Variants in THEMIS observed in about 807,000 individuals in gnomAD.
THEMIS encodes thymocyte selection associated, also known as protein THEMIS.
A neutral mutation model predicts 52.6 loss-of-function variants in THEMIS; 37 were observed. That is an observed-to-expected ratio of 0.70 (90% CI 0.54 to 0.93). The LOEUF is 0.93. THEMIS is among the 40% of genes least tolerant of loss of function. The probability of loss-of-function intolerance (pLI) is 0.00; values close to 1 mark genes in which losing one functional copy is unlikely to be tolerated. For missense variants in THEMIS, 808 were observed against 763.1 expected, an observed-to-expected ratio of 1.06 and a Z score of -0.69; for synonymous variants, 292 against 272.7, an observed-to-expected ratio of 1.07 and a Z score of -0.70.
chr6:127,812,768 T>C lies in THEMIS; in HGVS notation c.1758+115A>G, dbSNP rs1032753214. On this transcript the variant is annotated intron_variant, in intron 4 of 5. Coordinates refer to ENST00000368248, the MANE Select transcript of THEMIS (RefSeq NM_001010923.3). Reference sequence around the variant, plus strand: ...ATCTACTGCACATCAGAAAAGCTCATTGCAAATATGGCATGAAAGAAAGAA... The same window carrying C: ...ATCTACTGCACATCAGAAAAGCTCACTGCAAATATGGCATGAAAGAAAGAA... 4 of 1,069,432 alleles carry C rather than the reference T, an allele frequency of 3.7e-6. No individual in the cohort carries two copies. In the African/African-American group the frequency reaches 4.8e-5, roughly 13 times the overall value. The allele number at this position is 1,069,432 out of a possible 1,614,324, so 66.2% of individuals were successfully genotyped here.
At chr6:127,740,630 G>A (rs548373463) in intron 4 of THEMIS, among the ~76,000 whole-genome samples, 9 of 152,020 alleles carry the variant, frequency 5.9e-5, no homozygotes, top group East Asian at 1.9e-4. Flanking sequence ...CGTAAATAAC[G>A]GCCATTTTTT....
intron 4 of THEMIS, among the ~76,000 whole-genome samples, chr6:127,808,913 AC>A (rs1430729974): frequency 6.6e-6 from 1 of 152,206 alleles, no homozygotes; most frequent in Admixed American, 6.5e-5. Context: ...AGTGTTCATA[AC>A]CAACCGCAGA....
intron 1 of THEMIS, among the ~76,000 whole-genome samples, chr6:127,890,950 C>T (rs1369716137): frequency 6.6e-6 from 1 of 151,908 alleles, no homozygotes; most frequent in Non-Finnish European, 1.5e-5. Flanking sequence ...CAAATAAAGT[C>T]CTGATCAATT....
intron 4 of THEMIS, among the ~76,000 whole-genome samples, chr6:127,740,658 A>G (rs1775172027): frequency 6.6e-6 from 1 of 152,172 alleles, no homozygotes; most frequent in African/African-American, 2.4e-5. Flanking sequence ...CTATCCGAAA[A>G]TAAAGCTAGT....
intron 4 of THEMIS, among the ~76,000 whole-genome samples, chr6:127,738,954 C>T (rs966977219): frequency 2.0e-5 from 3 of 152,110 alleles, no homozygotes; most frequent in African/African-American, 7.2e-5. Context: ...ACAGGGTGGC[C>T]TAATTAAAAA....
intron 4 of THEMIS, among the ~76,000 whole-genome samples, chr6:127,751,395 C>A (rs1775638993): frequency 6.6e-6 from 1 of 151,510 alleles, no homozygotes; most frequent in South Asian, 2.1e-4. Context: ...AAGCATCTTA[C>A]TATAAAAATA....
chr6:127,893,697 C>T (rs191677341), intron 1 of THEMIS, among the ~76,000 whole-genome samples: 2 of 152,076 alleles, frequency 1.3e-5, no homozygotes, highest in South Asian at 2.1e-4. Context: ...ACTACAGAAC[C>T]TCACATGATT....
intron 2 of THEMIS, among the ~76,000 whole-genome samples, chr6:127,849,307 C>T (rs1190966434): frequency 6.6e-6 from 1 of 151,976 alleles, no homozygotes; most frequent in Non-Finnish European, 1.5e-5. Context: ...GTACCAGTCC[C>T]ATGCTGTTTT....
intron 4 of THEMIS, among the ~76,000 whole-genome samples, chr6:127,753,735 C>A (rs562585089): frequency 2.6e-5 from 4 of 151,958 alleles, no homozygotes; most frequent in Admixed American, 2.0e-4. Flanking sequence ...ATGTTGATTG[C>A]CAGGGGCTGA....
intron 1 of THEMIS, among the ~76,000 whole-genome samples, chr6:127,889,715 A>C (rs1223254139): frequency 6.7e-6 from 1 of 150,040 alleles, no homozygotes; most frequent in East Asian, 1.9e-4. Flanking sequence ...TAGTCATATG[A>C]CATGTATGGT....
intron 4 of THEMIS, 60 bp downstream of exon 4, chr6:127,812,818 AGACTT>A: frequency 6.8e-7 from 1 of 1,470,102 alleles, no homozygotes; most frequent in Non-Finnish European, 9.2e-7. Flanking sequence ...CACTCAGAAA[AGACTT>A]GAAACAAATT....
chr6:127,712,147 C>T (rs1401681578), intron 5 of THEMIS, among the ~76,000 whole-genome samples: 1 of 151,906 alleles, frequency 6.6e-6, no homozygotes, highest in African/African-American at 2.4e-5. Flanking sequence ...GTCCAACTCT[C>T]CCTTGTCAAT....
chr6:127,702,198 G>T, the THEMIS span, among the ~76,000 whole-genome samples: 1 of 151,740 alleles, frequency 6.6e-6, no homozygotes, highest in Non-Finnish European at 1.5e-5. Flanking sequence ...TTTTTCCCTT[G>T]TCACCCCATC....
rs71028110 is a variant in THEMIS at position 127,862,428 on chromosome 6, A to ATTTTTTTTTTTTTTTTTTTTTTTT, written c.92-7241_92-7240insAAAAAAAAAAAAAAAAAAAAAAAA. 1.2e-3 allele frequency among the ~76,000 whole-genome samples: 87 copies of ATTTTTTTTTTTTTTTTTTTTTTTT among 72,776 alleles called. 10 individuals carry two copies. Among genetic ancestry groups the ATTTTTTTTTTTTTTTTTTTTTTTT allele is most frequent in the African/African-American group, 1.7e-3 (36 of 21,066 alleles). 47.7% of individuals were successfully genotyped at this position (72,776 alleles called of 152,430 possible). On this transcript the variant is annotated intron_variant, in intron 1 of 5. Coordinates refer to ENST00000368248, the MANE Select transcript of THEMIS (RefSeq NM_001010923.3). ...GCAGGTGAAATCTCCTAGGGAGTAA[A>ATTTTTTTTTTTTTTTTTTTTTTTT]TTTTTTTTTTTTTTTTTTTTTTGCT...
chr6:127,786,443 A>G (rs1283319658), intron 4 of THEMIS, among the ~76,000 whole-genome samples: 2 of 152,218 alleles, frequency 1.3e-5, no homozygotes, highest in South Asian at 2.1e-4. Flanking sequence ...AAAATTTGGG[A>G]AAAATAAAAG....
intron 1 of THEMIS, among the ~76,000 whole-genome samples, chr6:127,907,671 G>A (rs1006927455): frequency 6.6e-6 from 1 of 151,790 alleles, no homozygotes; most frequent in Non-Finnish European, 1.5e-5. Context: ...ATATATCAAA[G>A]GGAAATAAGT....
Position 127,752,468 on chromosome 6 carries a change from ACAAGTGATAC to A in THEMIS, c.1759-32655_1759-32646del, listed in dbSNP as rs1775679555. 6.6e-5 allele frequency among the ~76,000 whole-genome samples: 10 copies of A among 151,556 alleles called. No homozygotes were observed. In the South Asian group the frequency reaches 2.1e-3, roughly 31 times the overall value. On this transcript the variant is annotated intron_variant, in intron 4 of 5. Transcript: ENST00000368248. ...AAATATAAATTAAAGAGAGAGCATTACAAGTGATACCACAAAAATACAAAAGATCACAATG... is the reference window on the plus strand; with the variant it reads ...AAATATAAATTAAAGAGAGAGCATTACACAAAAATACAAAAGATCACAATG...
chr6:127,762,341 C>A (rs974655363), intron 4 of THEMIS, among the ~76,000 whole-genome samples: 20 of 151,972 alleles, frequency 1.3e-4, no homozygotes, highest in African/African-American at 4.8e-4. Context: ...TATCTATATT[C>A]AACAATATTA....
At chr6:127,816,013 T>A (rs1340164391) in intron 3 of THEMIS, among the ~76,000 whole-genome samples, 7 of 152,200 alleles carry the variant, frequency 4.6e-5, no homozygotes, top group African/African-American at 1.7e-4. Flanking sequence ...ACTCTTAAAT[T>A]TTTTGTATTC....
Sources: allele counts gnomAD v4.1 joint callset (sites outside exome capture counted in the v4.1 genomes callset), GRCh38; gene constraint gnomAD v4.1.1; transcripts MANE v1.5; gene names NCBI Gene and HGNC (gene_info 2026-07-23, HGNC 2026-07-21).